Variants in E2F7 observed in about 807,000 individuals in gnomAD.
E2F7 encodes E2F transcription factor 7.
In E2F7, 35 loss-of-function variants were observed where a neutral mutation model predicts 81.1. The ratio of observed to expected loss-of-function variants is 0.43; its 90% CI spans 0.33 to 0.57. E2F7 has a LOEUF of 0.57. E2F7 is among the 20% of genes least tolerant of loss of function. The pLI is 0.04. For synonymous variants in E2F7, 416 were observed against 416.2 expected, an observed-to-expected ratio of 1.00 and a Z score of 0.01; for missense variants, 961 against 1,093.7, an observed-to-expected ratio of 0.88 and a Z score of 1.71.
chr12:77,034,189 G>A (rs1003875896), intron 7 of E2F7, 147 bp from the exon 8 acceptor site: 412 of 640,080 alleles, frequency 6.4e-4, no homozygotes, highest in Non-Finnish European at 4.2e-4. Flanking sequence ...GGAATTTTAT[G>A]AGCCTTGTCT....
intron 4 of E2F7, among the ~76,000 whole-genome samples, chr12:77,049,226 G>A (rs896863617): frequency 1.3e-5 from 2 of 152,074 alleles, no homozygotes; most frequent in Admixed American, 1.3e-4. Flanking sequence ...GCCAGCAAGG[G>A]GACCCAATTT....
chr12:77,037,186 G>GA lies in E2F7; in HGVS notation c.1124-3145dup, dbSNP rs199667708. On this transcript the variant is annotated intron_variant, in intron 7 of 12. Coordinates refer to ENST00000322886, the MANE Select transcript of E2F7 (RefSeq NM_203394.3). ...AAGAAATGTTAAAGTTCATCAGGCA[G>GA]AAAAAAATATTAGATGGAAACTTAC... Among the ~76,000 whole-genome samples the GA allele has an allele frequency of 5.4e-3, 825 of 152,250 alleles. 3 individuals are homozygous for GA. The highest frequency in any genetic ancestry group is 0.015 in the South Asian group (72 of 4,828).
chr12:77,030,689 AT>A (rs1157368294), intron 9 of E2F7, among the ~76,000 whole-genome samples: 3 of 152,176 alleles, frequency 2.0e-5, no homozygotes, highest in African/African-American at 7.2e-5. Flanking sequence ...TAGTATAACA[AT>A]TTTATGCAAT....
intron 2 of E2F7, among the ~76,000 whole-genome samples, chr12:77,057,142 T>G (rs970157884): frequency 2.6e-5 from 4 of 152,108 alleles, no homozygotes; most frequent in Non-Finnish European, 4.4e-5. Flanking sequence ...AGCCTCAAAC[T>G]CCTGGGTTCA....
At chr12:77,038,048 T>C (rs1362318300) in intron 7 of E2F7, among the ~76,000 whole-genome samples, 1 of 152,128 alleles carries the variant, frequency 6.6e-6, no homozygotes, top group Non-Finnish European at 1.5e-5. Context: ...TCTCCAGGAA[T>C]AAAGAGGGTC....
At chr12:77,064,449 A>G in intron 2 of E2F7, 94 bp downstream of exon 2, 4 of 1,007,880 alleles carry the variant, frequency 4.0e-6, no homozygotes, top group Non-Finnish European at 6.1e-6. Flanking sequence ...TATTATGCTT[A>G]AATACAAATA....
Position 77,028,104 on chromosome 12 carries a change from T to C in E2F7, c.1919A>G (p.Lys640Arg). Reference protein sequence around the residue: ...PSDSTDLASPKTMGNRASIPL... With the variant: ...PSDSTDLASPRTMGNRASIPL... ...TATAGATGCCCTGTTACCCATAGTC[T>C]TGGGAGAGGCAAGGTCTGTGGAATC... Residue 640 changes from lysine to arginine, a missense_variant, in exon 11 of 13, where the codon AAG (lysine) becomes AGG (arginine). Physicochemically the swap from Lys to Arg is conservative, Grantham distance 26. Coordinates refer to ENST00000322886, the MANE Select transcript of E2F7 (RefSeq NM_203394.3). 6.2e-7 allele frequency: 1 copy of C among 1,614,182 alleles called. No individual in the cohort carries two copies. Among genetic ancestry groups the C allele is most frequent in the Non-Finnish European group, 8.5e-7 (1 of 1,180,030 alleles).
intron 6 of E2F7, 142 bp from the exon 7 acceptor site, chr12:77,043,341 G>T: frequency 9.6e-7 from 1 of 1,043,464 alleles, no homozygotes; most frequent in Non-Finnish European, 1.4e-6. Flanking sequence ...CAGTGGCTCT[G>T]TCATAAAATC....
chr12:77,058,029 G>A (rs1955048127), intron 2 of E2F7, among the ~76,000 whole-genome samples: 1 of 152,192 alleles, frequency 6.6e-6, no homozygotes. Context: ...TGGATCAGCA[G>A]AAGCTGCATG....
At position 77,023,930 on chromosome 12, in the gene E2F7, T is replaced by G; in HGVS notation, c.*85A>C. ...TGAAAGAGAGAGGAAGGACCCGTGCTCAGGACGGGATGGTTTGCATCCCGC... is the reference window on the plus strand; with the variant it reads ...TGAAAGAGAGAGGAAGGACCCGTGCGCAGGACGGGATGGTTTGCATCCCGC... On this transcript the variant is annotated 3_prime_UTR_variant, in exon 13 of 13. Coordinates refer to ENST00000322886, the MANE Select transcript of E2F7 (RefSeq NM_203394.3). 3 of 1,497,086 alleles carry G rather than the reference T, an allele frequency of 2.0e-6. No individual in the cohort carries two copies. The South Asian group carries it at 3.9e-5, about 20-fold the overall frequency. 92.7% of individuals were successfully genotyped at this position (1,497,086 alleles called of 1,614,324 possible).
chr12:77,042,451 G>A (rs564582981), intron 7 of E2F7, among the ~76,000 whole-genome samples: 51 of 152,280 alleles, frequency 3.3e-4, no homozygotes, highest in African/African-American at 1.1e-3. Flanking sequence ...ATGTAAAATA[G>A]CTGGTGCAGT....
At position 77,028,017 on chromosome 12, in the gene E2F7, G is replaced by A; in HGVS notation, c.2006C>T (p.Ala669Val). The A allele has an allele frequency of 6.2e-7, 1 of 1,614,160 alleles. No individual in the cohort carries two copies. Among genetic ancestry groups the A allele is most frequent in the Non-Finnish European group, 8.5e-7 (1 of 1,180,034 alleles). ...LPAAEEISGK[A>V]TANSLVSSEW... ...AGAAGAAACAAGAGAGTTTGCTGTTGCCTTTCCTGAAATCTCTTCTGCAGC... is the reference window on the plus strand; with the variant it reads ...AGAAGAAACAAGAGAGTTTGCTGTTACCTTTCCTGAAATCTCTTCTGCAGC... Residue 669 changes from alanine (A) to valine (V), a missense_variant, in exon 11 of 13, where the codon GCA becomes GTA. By Grantham distance (64) the Ala-to-Val change is moderately conservative (BLOSUM62 0). This residue lies in a region of E2F7 where 587 missense variants were observed against 620.3 expected (regional missense o/e 0.95). Coordinates refer to ENST00000322886, the MANE Select transcript of E2F7 (RefSeq NM_203394.3).
At chr12:77,048,570 G>A (rs1954961934) in intron 4 of E2F7, among the ~76,000 whole-genome samples, 1 of 152,176 alleles carries the variant, frequency 6.6e-6, no homozygotes, top group South Asian at 2.1e-4. Flanking sequence ...GTTAAATACA[G>A]TCCTGCAGTC....
At position 77,024,013 on chromosome 12, in the gene E2F7, G is replaced by T. The variant is rs1381164246; in HGVS notation, c.*2C>A. ...CCCACCCCCACCTGGCAAAGCGGCAGGTTAGTCAGCGCCGCCGCTGGGGAT... is the reference window on the plus strand; with the variant it reads ...CCCACCCCCACCTGGCAAAGCGGCATGTTAGTCAGCGCCGCCGCTGGGGAT... On this transcript the variant is annotated 3_prime_UTR_variant, in exon 13 of 13. Transcript: ENST00000322886. 1 of 1,613,136 alleles carries T rather than the reference G, an allele frequency of 6.2e-7. No homozygotes were observed. The highest frequency in any genetic ancestry group is 1.7e-5 in the Admixed American group (1 of 59,952).
chr12:77,051,520 G>A (rs1324981164), intron 3 of E2F7, among the ~76,000 whole-genome samples: 1 of 152,116 alleles, frequency 6.6e-6, no homozygotes, highest in South Asian at 2.1e-4. Flanking sequence ...ATAGCATTAG[G>A]AGATATACCT....
At chr12:77,024,546 A>T (rs972627142) in intron 12 of E2F7, among the ~76,000 whole-genome samples, 5 of 152,196 alleles carry the variant, frequency 3.3e-5, no homozygotes, top group Non-Finnish European at 7.3e-5. Flanking sequence ...GGAATTAAAT[A>T]AGATAATTGT....
intron 7 of E2F7, among the ~76,000 whole-genome samples, chr12:77,038,406 A>G (rs1185395570): frequency 6.6e-6 from 1 of 152,200 alleles, no homozygotes; most frequent in East Asian, 1.9e-4. Flanking sequence ...CAAGTTATAC[A>G]AAGTATATTC....
rs180888550 is a variant in E2F7 at position 77,021,497 on chromosome 12, T to C, written c.*2518A>G. 6.5e-6 allele frequency: 1 copy of C among 152,686 alleles called. No homozygotes were observed. The highest frequency in any genetic ancestry group is 1.9e-4 in the East Asian group (1 of 5,182). 9.5% of individuals were successfully genotyped at this position (152,686 alleles called of 1,614,324 possible). ...AAGATAAGCAGAAAGCAGCTTTACG[T>C]TAAAAGAAAGTTATTTAAATACAGA... On this transcript the variant is annotated 3_prime_UTR_variant, in exon 13 of 13. Transcript: ENST00000322886.
At chr12:77,030,771 C>A (rs748667470) in intron 9 of E2F7, among the ~76,000 whole-genome samples, 1 of 152,204 alleles carries the variant, frequency 6.6e-6, no homozygotes, top group African/African-American at 2.4e-5. Context: ...AGGTTGATCA[C>A]CCTGCCTCGG....
Sources: allele counts gnomAD v4.1 joint callset (sites outside exome capture counted in the v4.1 genomes callset), GRCh38; gene constraint gnomAD v4.1.1; regional missense constraint gnomAD v4.1.1; transcripts MANE v1.5; gene names NCBI Gene and HGNC (gene_info 2026-07-23, HGNC 2026-07-21).